Variants in TBC1D1 observed in about 807,000 individuals in gnomAD.
TBC1D1 encodes TBC1 domain family member 1.
In TBC1D1, 89 loss-of-function variants were observed where a neutral mutation model predicts 125.6. That is an observed-to-expected ratio of 0.71 (90% confidence interval 0.60 to 0.85). TBC1D1 has a LOEUF of 0.85. Ranked by LOEUF, TBC1D1 falls within the 40% of genes least tolerant of loss-of-function variation. The pLI, the probability that TBC1D1 is intolerant of heterozygous loss-of-function variation, is 0.00. For synonymous variants in TBC1D1, 565 were observed against 564.1 expected, an observed-to-expected ratio of 1.00 and a Z score of -0.02; for missense variants, 1,377 against 1,469.2, an observed-to-expected ratio of 0.94 and a Z score of 1.03.
intron 12 of TBC1D1, among the ~76,000 whole-genome samples, chr4:38,088,188 A>G (rs1757863332): frequency 6.6e-6 from 1 of 152,180 alleles, no homozygotes; most frequent in South Asian, 2.1e-4. Context: ...CTCAAATTAA[A>G]GACTTCAAGC....
At chr4:38,111,985 A>G in intron 15 of TBC1D1, 1 of 985,454 alleles carries the variant, frequency 1.0e-6, no homozygotes, top group Non-Finnish European at 1.2e-6. Flanking sequence ...GGAGTCTCAT[A>G]GAACACACTG....
intron 17 of TBC1D1, among the ~76,000 whole-genome samples, chr4:38,121,199 C>T (rs980869513): frequency 6.6e-6 from 1 of 152,276 alleles, no homozygotes; most frequent in Admixed American, 6.5e-5. Context: ...TAGAATGTAG[C>T]GGAGCCACGA....
intron 18 of TBC1D1, among the ~76,000 whole-genome samples, chr4:38,130,112 T>A (rs2152630312): frequency 6.6e-6 from 1 of 152,328 alleles, no homozygotes; most frequent in Non-Finnish European, 1.5e-5. Flanking sequence ...GAACTAGATG[T>A]CTAACACTTG....
chr4:37,898,571 G>A (rs1462079076), intron 1 of TBC1D1, among the ~76,000 whole-genome samples: 2 of 152,138 alleles, frequency 1.3e-5, no homozygotes, highest in Non-Finnish European at 2.9e-5. Flanking sequence ...AAGATATTCC[G>A]GCTCCCTAAA....
chr4:37,908,171 C>G (rs1717752886), intron 2 of TBC1D1, among the ~76,000 whole-genome samples: 2 of 152,000 alleles, frequency 1.3e-5, no homozygotes, highest in Non-Finnish European at 2.9e-5. Context: ...GTGTGCCGGG[C>G]CCAGGGTAAG....
intron 12 of TBC1D1, among the ~76,000 whole-genome samples, chr4:38,069,436 A>G (rs548758787): frequency 6.6e-6 from 1 of 152,228 alleles, no homozygotes; most frequent in Non-Finnish European, 1.5e-5. Context: ...GTTGCAAGAA[A>G]CAAAAAAATG....
Position 38,133,212 on chromosome 4 carries a change from C to T in TBC1D1, c.3261C>T (p.Asn1087=). The T allele has an allele frequency of 1.2e-6, 2 of 1,614,188 alleles. No homozygotes were observed. The highest frequency in any genetic ancestry group is 1.7e-6 in the Non-Finnish European group (2 of 1,180,010). The change falls in exon 19 of 20, where the codon AAC becomes AAT. Residue 1087 remains asparagine (N), a synonymous_variant. Transcript: ENST00000261439. ...GAATGGATAAATTAGAGAAAACCAACAGCAGCTTACGCAAACAGAACCTTG... is the reference window on the plus strand; with the variant it reads ...GAATGGATAAATTAGAGAAAACCAATAGCAGCTTACGCAAACAGAACCTTG...
intron 2 of TBC1D1, among the ~76,000 whole-genome samples, chr4:37,961,362 T>G (rs35049902): frequency 0.63 from 95,010 of 151,512 alleles, 30,603 homozygotes; most frequent in East Asian, 0.96. Flanking sequence ...AAGGAGGTCC[T>G]AGCAGCAAAG....
chr4:38,056,070 C>G (rs10006938), intron 12 of TBC1D1, among the ~76,000 whole-genome samples: 6,469 of 152,290 alleles, frequency 0.042, 449 homozygotes, highest in African/African-American at 0.15. Context: ...CATCATAGAA[C>G]AGTTCCAAGT....
At chr4:38,086,228 CA>C (rs1417852097) in intron 12 of TBC1D1, among the ~76,000 whole-genome samples, 1 of 152,156 alleles carries the variant, frequency 6.6e-6, no homozygotes, top group Non-Finnish European at 1.5e-5. Flanking sequence ...TGCCCCTTCC[CA>C]GGGTTTAGGA....
At chr4:37,981,180 TG>T (rs1314966929) in intron 2 of TBC1D1, among the ~76,000 whole-genome samples, 1 of 152,170 alleles carries the variant, frequency 6.6e-6, no homozygotes, top group Non-Finnish European at 1.5e-5. Context: ...TGACCTCAAG[TG>T]ATCTGCCCAC....
At chr4:38,084,099 G>A (rs559110544) in intron 12 of TBC1D1, among the ~76,000 whole-genome samples, 4 of 152,172 alleles carry the variant, frequency 2.6e-5, no homozygotes, top group South Asian at 4.2e-4. Context: ...CATGGCGCCC[G>A]GCTAATTTTT....
At position 37,933,072 on chromosome 4, in the gene TBC1D1, C is replaced by A. The variant is rs994576966; in HGVS notation, c.417+30560C>A. 2.5e-3 allele frequency among the ~76,000 whole-genome samples: 376 copies of A among 149,806 alleles called. 1 individual carries two copies. The highest frequency in any genetic ancestry group is 8.9e-3 in the African/African-American group (361 of 40,584). Reference sequence around the variant, plus strand: ...ATTTAAAAACAAAAAAACAAAAAAACAAAAAAAACTTATATTAGAATGTTG... The same window carrying A: ...ATTTAAAAACAAAAAAACAAAAAAAAAAAAAAAACTTATATTAGAATGTTG... On this transcript the variant is annotated intron_variant, in intron 2 of 19. Coordinates refer to ENST00000261439, the MANE Select transcript of TBC1D1 (RefSeq NM_015173.4).
chr4:38,119,315 C>T (rs1763481876), intron 17 of TBC1D1, among the ~76,000 whole-genome samples: 1 of 123,774 alleles, frequency 8.1e-6, no homozygotes, highest in Admixed American at 8.7e-5. Flanking sequence ...TTTTCCTTTC[C>T]CCCCAAATAC....
intron 2 of TBC1D1, among the ~76,000 whole-genome samples, chr4:38,010,749 T>A (rs1026219722): frequency 1.3e-5 from 2 of 152,166 alleles, no homozygotes; most frequent in Non-Finnish European, 2.9e-5. Flanking sequence ...TCAGCCTTTC[T>A]CTCAGCCTTC....
intron 2 of TBC1D1, among the ~76,000 whole-genome samples, chr4:37,908,673 G>T (rs1717883497): frequency 6.6e-6 from 1 of 152,148 alleles, no homozygotes; most frequent in South Asian, 2.1e-4. Context: ...TCATTAATGT[G>T]AAAATGCTCG....
At chr4:38,095,855 A>C in intron 13 of TBC1D1, 74 bp from the exon 16 acceptor site, 1 of 1,439,034 alleles carries the variant, frequency 6.9e-7, no homozygotes, top group Non-Finnish European at 9.4e-7. Context: ...GATAACAAGT[A>C]GGCAGCCATG....
chr4:38,099,906 TC>T (rs1349815135), intron 14 of TBC1D1, among the ~76,000 whole-genome samples: 1 of 152,242 alleles, frequency 6.6e-6, no homozygotes, highest in African/African-American at 2.4e-5. Context: ...CAGCCAATAT[TC>T]TTTTCTTTCA....
At chr4:38,122,364 G>A (rs1172416904) in intron 17 of TBC1D1, among the ~76,000 whole-genome samples, 1 of 152,208 alleles carries the variant, frequency 6.6e-6, no homozygotes, top group Non-Finnish European at 1.5e-5. Context: ...GAGGCCCCTG[G>A]TGATCTGGAC....
Sources: gnomAD v4.1 joint callset for allele counts (sites outside exome capture counted in the v4.1 genomes callset) on GRCh38, gnomAD v4.1.1 for gene constraint, MANE v1.5 for transcripts, NCBI Gene and HGNC (gene_info 2026-07-23, HGNC 2026-07-21) for gene names.